The following PIGZ variants were observed in gnomAD, a reference collection of about 807,000 sequenced individuals.
The protein encoded by PIGZ is GPI alpha-1,2-mannosyltransferase 4.
Under a neutral mutation model 16.4 loss-of-function variants are expected in PIGZ, and 16 were observed. That is an observed-to-expected ratio of 0.97 (90% CI 0.66 to 1.48). PIGZ has a LOEUF of 1.48. Ranked by LOEUF, PIGZ falls within the 40% of genes most tolerant of loss-of-function variation. The pLI is 0.00. For missense variants in PIGZ, 770 were observed against 739.2 expected (o/e 1.04, Z -0.48); for synonymous variants, 409 against 338.4 (o/e 1.21, Z -2.29).
At position 196,947,375 on chromosome 3, in the gene PIGZ, A is replaced by T. The variant is rs1345518989; in HGVS notation, c.1522T>A (p.Cys508Ser). The T allele has an allele frequency of 1.2e-6, 2 of 1,614,030 alleles. No homozygotes were observed. Among genetic ancestry groups the T allele is most frequent in the African/African-American group, 2.7e-5 (2 of 74,954 alleles). ...TLKSFTRQPA[C>S]QVAGGPWLCR... ...AGCCATGGCCCACCAGCCACTTGGC[A>T]GGCTGGTTGTCTGGTGAAGCTTTTC... Residue 508 changes from cysteine (C) to serine (S), a missense_variant, in exon 3 of 3, where the codon TGC becomes AGC. Physicochemically the swap from Cys to Ser is moderately radical, Grantham distance 112 (BLOSUM62 -1). Transcript: ENST00000412723.
chr3:196,956,485 A>G (rs886350542), intron 1 of PIGZ, among the ~76,000 whole-genome samples: 1 of 152,234 alleles, frequency 6.6e-6, no homozygotes, highest in African/African-American at 2.4e-5. Context: ...GTATGAGGGA[A>G]ACCACCCCCA....
intron 1 of PIGZ, among the ~76,000 whole-genome samples, chr3:196,958,024 TCA>T (rs571460722): frequency 7.1e-4 from 108 of 152,300 alleles, no homozygotes; most frequent in Non-Finnish European, 1.2e-3. Flanking sequence ...GCTCTCAAAT[TCA>T]CAGTTTTGTA....
chr3:196,964,866 C>T (rs575138985), intron 1 of PIGZ, among the ~76,000 whole-genome samples: 7 of 152,158 alleles, frequency 4.6e-5, no homozygotes, highest in Non-Finnish European at 1.0e-4. Flanking sequence ...CCTCTATGAA[C>T]CTATTCTTAT....
intron 1 of PIGZ, among the ~76,000 whole-genome samples, chr3:196,966,498 C>T (rs1487691600): frequency 6.6e-6 from 1 of 152,240 alleles, no homozygotes; most frequent in Admixed American, 6.5e-5. Context: ...CTCTGCCCTG[C>T]TTGGCTGAGG....
chr3:196,948,958 C>CT lies in PIGZ; in HGVS notation c.212-274dup, dbSNP rs1365676194. ...ACTTCCCTTCCTTCCCCTCCCCTCC[C>CT]TTCCTTCCCTTCCCCTCCCCTCCCT... On this transcript the variant is annotated intron_variant, in intron 2 of 2. Transcript: ENST00000412723. Among the ~76,000 whole-genome samples the CT allele has an allele frequency of 8.4e-3, 495 of 58,600 alleles. 103 individuals carry two copies. Among genetic ancestry groups the CT allele is most frequent in the Non-Finnish European group, 0.012 (366 of 29,852 alleles). The allele number at this position is 58,600 out of a possible 152,430, so 38.4% of individuals were successfully genotyped here.
chr3:196,963,226 T>G (rs1245870016), intron 1 of PIGZ, among the ~76,000 whole-genome samples: 1 of 152,264 alleles, frequency 6.6e-6, no homozygotes, highest in Non-Finnish European at 1.5e-5. Context: ...CTGAGTTGTT[T>G]CCATGTTTTG....
intron 1 of PIGZ, among the ~76,000 whole-genome samples, chr3:196,954,286 A>C (rs1717398959): frequency 6.9e-6 from 1 of 144,442 alleles, no homozygotes; most frequent in South Asian, 2.3e-4. Context: ...CTCTGTCTCA[A>C]TCAATCAATA....
chr3:196,947,725 A>C lies in PIGZ; in HGVS notation c.1172T>G (p.Phe391Cys). 1 of 1,613,170 alleles carries C rather than the reference A, an allele frequency of 6.2e-7. No homozygotes were observed. Among genetic ancestry groups the C allele is most frequent in the Non-Finnish European group, 8.5e-7 (1 of 1,179,572 alleles). The change falls in exon 3 of 3, where the codon TTC (phenylalanine) becomes TGC (cysteine). Residue 391 changes from phenylalanine to cysteine, a missense_variant. Physicochemically the swap from Phe to Cys is radical, Grantham distance 205 (BLOSUM62 -2). Coordinates refer to ENST00000412723, the MANE Select transcript of PIGZ (RefSeq NM_025163.4). ...CAGGGGGACCAGGAGGGGAATCAGG[A>C]ACCGAGCCTCCTGGTGGCTAAAGGC... Reference protein sequence around the residue: ...LSAFSHQEARFLIPLLVPLVL... With the variant: ...LSAFSHQEARCLIPLLVPLVL...
chr3:196,951,512 T>C, intron 2 of PIGZ: 1 of 406,944 alleles, frequency 2.5e-6, no homozygotes, highest in Non-Finnish European at 4.6e-6. Context: ...CTAACTCTAA[T>C]AAAAGTGTTC....
At chr3:196,949,930 G>C (rs1403896028) in intron 2 of PIGZ, among the ~76,000 whole-genome samples, 3 of 152,084 alleles carry the variant, frequency 2.0e-5, no homozygotes, top group African/African-American at 7.2e-5. Flanking sequence ...AGAGGGGTAG[G>C]TGATGAGCCA....
chr3:196,948,769 C>T (rs1717064524), intron 2 of PIGZ, 84 bp from the exon 3 acceptor site: 1 of 1,049,116 alleles, frequency 9.5e-7, no homozygotes, highest in Admixed American at 3.0e-5. Flanking sequence ...ACATTTCCCA[C>T]CCCTTGGTGT....
chr3:196,955,737 G>A (rs1037481891), intron 1 of PIGZ, among the ~76,000 whole-genome samples: 3 of 151,296 alleles, frequency 2.0e-5, no homozygotes, highest in Non-Finnish European at 2.9e-5. Flanking sequence ...CACCACCACG[G>A]CTGCCTAATT....
rs373031299 is a variant in PIGZ at position 196,951,640 on chromosome 3, C to CT, written c.211+180_211+181insA. The CT allele has an allele frequency of 4.1e-4, 260 of 628,298 alleles. 1 individual carries two copies. The highest frequency in any genetic ancestry group is 4.1e-3 in the African/African-American group (225 of 54,808). 38.9% of individuals were successfully genotyped at this position (628,298 alleles called of 1,614,324 possible). A position where few individuals can be genotyped will look rare whatever the true frequency, so the allele number is the denominator to read the frequency against. ...TACCCAGAAGGTCAGTGTCACCACT[C>CT]GGGAAGGAGATATGAAGTCCCCACT... On this transcript the variant is annotated intron_variant, in intron 2 of 2. Transcript: ENST00000412723.
chr3:196,966,970 G>A (rs1385712028), intron 1 of PIGZ, among the ~76,000 whole-genome samples: 2 of 152,052 alleles, frequency 1.3e-5, no homozygotes, highest in African/African-American at 4.8e-5. Context: ...GATTGGACTG[G>A]GGGGCAGGGG....
Position 196,947,739 on chromosome 3 carries a change from G to A in PIGZ, c.1158C>T (p.His386=). The change falls in exon 3 of 3, where the codon CAC becomes CAT. Residue 386 remains histidine, a synonymous_variant. Transcript: ENST00000412723. ...MPLALLSAFS[H]QEARFLIPLL... The stretch of plus-strand genomic sequence containing the variant: ...GGGGAATCAGGAACCGAGCCTCCTG[G>A]TGGCTAAAGGCAGATAGCAGGGCCA... 5 of 1,612,950 alleles carry A rather than the reference G, an allele frequency of 3.1e-6. No homozygotes were observed. Among genetic ancestry groups the A allele is most frequent in the Non-Finnish European group, 4.2e-6 (5 of 1,179,474 alleles).
intron 1 of PIGZ, among the ~76,000 whole-genome samples, chr3:196,968,439 C>A (rs1345878382): frequency 6.6e-6 from 1 of 152,230 alleles, no homozygotes; most frequent in Non-Finnish European, 1.5e-5. Context: ...CCTTCCTGGG[C>A]AAATGTCACC....
Position 196,951,836 on chromosome 3 carries a change from G to A in PIGZ, c.196C>T (p.Pro66Ser), listed in dbSNP as rs750636173. 5 of 1,614,128 alleles carry A rather than the reference G, an allele frequency of 3.1e-6. No homozygotes were observed. In the South Asian group the frequency reaches 3.3e-5, roughly 11 times the overall value. ...GGAGTTTTACCTGCCATCACCTCAG[G>A]GGACTGGAAGAACTCATCTGGGTGC... The part of the protein sequence containing the change: ...YVHPDEFFQS[P>S]EVMAEDILGV... The change falls in exon 2 of 3, where the codon CCT (proline) becomes TCT (serine). Residue 66 changes from proline (P) to serine (S), a missense_variant. Coordinates refer to ENST00000412723, the MANE Select transcript of PIGZ (RefSeq NM_025163.4).
At chr3:196,948,757 C>T (rs1717063963) in intron 2 of PIGZ, 72 bp from the exon 3 acceptor site, 4 of 1,116,842 alleles carry the variant, frequency 3.6e-6, no homozygotes, top group South Asian at 3.6e-5. Context: ...GGAGGGCACC[C>T]CACATTTCCC....
chr3:196,948,530 A>G lies in PIGZ; in HGVS notation c.367T>C (p.Tyr123His), dbSNP rs756170105. The change falls in exon 3 of 3, where the codon TAT (tyrosine) becomes CAT (histidine). Residue 123 changes from tyrosine to histidine, a missense_variant. Physicochemically the swap from Tyr to His is moderately conservative, Grantham distance 83. Coordinates refer to ENST00000412723, the MANE Select transcript of PIGZ (RefSeq NM_025163.4). Reference sequence around the variant, plus strand: ...AGTCGAGGCCCCACCAGCAGCGCATAGCCGCTCACCAGGCCAGGCCACGGC... The same window carrying G: ...AGTCGAGGCCCCACCAGCAGCGCATGGCCGCTCACCAGGCCAGGCCACGGC... ...LGPWPGLVSG[Y>H]ALLVGPRLLL... 6.2e-7 allele frequency: 1 copy of G among 1,610,974 alleles called. No individual in the cohort carries two copies. Among genetic ancestry groups the G allele is most frequent in the East Asian group, 2.2e-5 (1 of 44,790 alleles).
Sources: allele counts gnomAD v4.1 joint callset (sites outside exome capture counted in the v4.1 genomes callset), GRCh38; gene constraint gnomAD v4.1.1; transcripts MANE v1.5; gene names NCBI Gene and HGNC (gene_info 2026-07-23, HGNC 2026-07-21).